WWOX: variants seen among roughly 807,000 people sequenced by gnomAD.
WWOX encodes WW domain-containing oxidoreductase.
A neutral mutation model predicts 46.2 loss-of-function variants in WWOX; 69 were observed. The ratio of observed to expected loss-of-function variants is 1.49; its 90% CI spans 1.23 to 1.82. The LOEUF (loss-of-function observed/expected upper bound fraction) is 1.82. Ranked by LOEUF, WWOX falls within the 40% of genes most tolerant of loss-of-function variation. The pLI is 0.00. For missense variants in WWOX, 919 were observed against 542.6 expected, an observed-to-expected ratio of 1.69 and a Z score of -6.89; for synonymous variants, 359 against 202.6, an observed-to-expected ratio of 1.77 and a Z score of -6.56.
chr16:78,497,977 C>T (rs754176329), intron 8 of WWOX, among the ~76,000 whole-genome samples: 17 of 151,838 alleles, frequency 1.1e-4, no homozygotes, highest in East Asian at 3.9e-4. Context: ...CCGAGGTGGG[C>T]GGATCACAAG....
At chr16:78,790,667 A>C (rs1407177483) in intron 8 of WWOX, among the ~76,000 whole-genome samples, 1 of 152,170 alleles carries the variant, frequency 6.6e-6, no homozygotes, top group Non-Finnish European at 1.5e-5. Flanking sequence ...AAACACAAGT[A>C]CAAAGGTTCA....
chr16:78,214,464 T>A (rs1237422473), intron 5 of WWOX, among the ~76,000 whole-genome samples: 5 of 152,142 alleles, frequency 3.3e-5, no homozygotes, highest in Admixed American at 3.3e-4. Flanking sequence ...CTGTGGTCGC[T>A]GTCTGCACTC....
At chr16:78,581,470 A>G (rs947200460) in intron 8 of WWOX, among the ~76,000 whole-genome samples, 3 of 152,106 alleles carry the variant, frequency 2.0e-5, no homozygotes, top group African/African-American at 7.2e-5. Flanking sequence ...AGGCCATCTC[A>G]TTGTCTTTAT....
At chr16:78,119,938 C>T (rs551057199) in intron 4 of WWOX, among the ~76,000 whole-genome samples, 27 of 152,224 alleles carry the variant, frequency 1.8e-4, no homozygotes, top group African/African-American at 6.0e-4. Context: ...ACCTTTAGAA[C>T]GCTGGGCTGC....
intron 8 of WWOX, among the ~76,000 whole-genome samples, chr16:78,796,716 G>T (rs913019885): frequency 2.6e-5 from 4 of 152,186 alleles, no homozygotes; most frequent in Non-Finnish European, 1.5e-5. Context: ...CCCTGCCTGG[G>T]CTAGGAGCCA....
chr16:78,802,005 G>A (rs561379707), intron 8 of WWOX, among the ~76,000 whole-genome samples: 2 of 152,118 alleles, frequency 1.3e-5, no homozygotes, highest in East Asian at 3.9e-4. Context: ...GTGTGGAAAG[G>A]GCCTATCCCA....
intron 8 of WWOX, among the ~76,000 whole-genome samples, chr16:78,602,717 C>A (rs562217916): frequency 6.6e-6 from 1 of 152,136 alleles, no homozygotes; most frequent in Non-Finnish European, 1.5e-5. Flanking sequence ...AATCATTTTT[C>A]TTTAACGATC....
chr16:78,397,691 G>A (rs1240368788), intron 6 of WWOX, among the ~76,000 whole-genome samples: 2 of 152,212 alleles, frequency 1.3e-5, no homozygotes, highest in Non-Finnish European at 2.9e-5. Context: ...GGGACAATTA[G>A]AAAGGTCAGT....
chr16:78,998,352 T>C (rs1244309083), intron 8 of WWOX, among the ~76,000 whole-genome samples: 2 of 152,186 alleles, frequency 1.3e-5, no homozygotes, highest in South Asian at 2.1e-4. Context: ...GAAGGGTCTG[T>C]GGGTTTTCAC....
At chr16:78,557,536 C>T (rs1384771330) in intron 8 of WWOX, among the ~76,000 whole-genome samples, 4 of 152,082 alleles carry the variant, frequency 2.6e-5, no homozygotes, top group East Asian at 1.9e-4. Context: ...TTCACTTACA[C>T]GTTTTTGTCG....
chr16:78,557,445 G>T (rs2044326014), intron 8 of WWOX, among the ~76,000 whole-genome samples: 1 of 152,106 alleles, frequency 6.6e-6, no homozygotes, highest in Non-Finnish European at 1.5e-5. Flanking sequence ...TCTAGGTGTT[G>T]GGGATACATC....
chr16:78,761,906 G>C (rs2049804235), intron 8 of WWOX, among the ~76,000 whole-genome samples: 1 of 152,166 alleles, frequency 6.6e-6, no homozygotes, highest in Non-Finnish European at 1.5e-5. Context: ...TTATCTCCTT[G>C]TGTGTGTGAG....
chr16:79,067,921 C>G (rs115050550), intron 8 of WWOX, among the ~76,000 whole-genome samples: 65 of 152,296 alleles, frequency 4.3e-4, no homozygotes, highest in African/African-American at 1.5e-3. Context: ...CTGGGAATGC[C>G]TGTGATCCAG....
chr16:78,514,673 G>C (rs941707356), intron 8 of WWOX, among the ~76,000 whole-genome samples: 1 of 152,128 alleles, frequency 6.6e-6, no homozygotes, highest in African/African-American at 2.4e-5. Context: ...GTTGGCAAAA[G>C]GCTGGCAATT....
chr16:78,969,418 C>T (rs953959240), intron 8 of WWOX, among the ~76,000 whole-genome samples: 25 of 152,022 alleles, frequency 1.6e-4, no homozygotes, highest in Non-Finnish European at 2.9e-5. Context: ...TACAGGGGCA[C>T]ATGCCACCAT....
intron 8 of WWOX, among the ~76,000 whole-genome samples, chr16:79,056,892 T>G (rs757279657): frequency 6.6e-6 from 1 of 152,224 alleles, no homozygotes; most frequent in Non-Finnish European, 1.5e-5. Flanking sequence ...GCTGGGCACT[T>G]CAAACCTACA....
chr16:78,767,455 A>G (rs2049950128), intron 8 of WWOX, among the ~76,000 whole-genome samples: 1 of 144,572 alleles, frequency 6.9e-6, no homozygotes, highest in Admixed American at 7.1e-5. Context: ...ATGGCTGAAT[A>G]ATGTTTCTGT....
intron 6 of WWOX, among the ~76,000 whole-genome samples, chr16:78,414,360 G>A (rs1317909502): frequency 6.6e-6 from 1 of 152,150 alleles, no homozygotes; most frequent in Non-Finnish European, 1.5e-5. Context: ...CTTGAGGTCA[G>A]GAGTTCAAGA....
chr16:78,469,362 G>C (rs2738676), intron 8 of WWOX, among the ~76,000 whole-genome samples: 59,110 of 152,110 alleles, frequency 0.39, 14,285 homozygotes, highest in African/African-American at 0.69. Flanking sequence ...TACAAAGGCA[G>C]ACTCTTAAGC....
Sources: allele counts gnomAD v4.1 joint callset (sites outside exome capture counted in the v4.1 genomes callset), GRCh38; gene constraint gnomAD v4.1.1; transcripts MANE v1.5; gene names NCBI Gene and HGNC (gene_info 2026-07-23, HGNC 2026-07-21).